CELF5: variants seen among roughly 807,000 people sequenced by gnomAD.
CELF5 encodes the protein CUG-BP and ETR-3 like factor 5.
Under a neutral mutation model 54.9 loss-of-function variants are expected in CELF5, and 6 were observed. That is an observed-to-expected ratio of 0.11 (90% CI 0.06 to 0.22). The LOEUF is 0.22. CELF5 is among the 10% of genes least tolerant of loss of function. The pLI is 1.00. For synonymous variants in CELF5, 271 were observed against 290.9 expected (o/e 0.93, Z 0.70); for missense variants, 401 against 678.6 (o/e 0.59, Z 4.54).
At position 3,258,331 on chromosome 19, in the gene CELF5, A is replaced by G. The variant is rs369515017; in HGVS notation, c.342+7264A>G. Among the ~76,000 whole-genome samples, 5 of 151,410 alleles carry G rather than the reference A, an allele frequency of 3.3e-5. No individual in the cohort carries two copies. The South Asian group carries it at 8.4e-4, about 25-fold the overall frequency. On this transcript the variant is annotated intron_variant, in intron 2 of 12. Transcript: ENST00000292672. ...AGACAGTGGTTTTCCTATGTTGCCC[A>G]GGTTGGTCTCGAACTCCTGACCTCA...
At chr19:3,257,645 T>G (rs760501944) in intron 2 of CELF5, among the ~76,000 whole-genome samples, 3 of 151,290 alleles carry the variant, frequency 2.0e-5, no homozygotes, top group Non-Finnish European at 2.9e-5. Flanking sequence ...CCGGCTAATT[T>G]TTGTATTTTT....
intron 10 of CELF5, among the ~76,000 whole-genome samples, chr19:3,289,807 A>G (rs1437995449): frequency 1.3e-5 from 2 of 151,288 alleles, no homozygotes; most frequent in African/African-American, 2.4e-5. Context: ...GATATTACCA[A>G]GTTTCCTTAT....
chr19:3,284,874 C>T (rs1199668650), intron 8 of CELF5, 28 bp from the exon 9 acceptor site: 1 of 1,608,092 alleles, frequency 6.2e-7, no homozygotes, highest in African/African-American at 1.3e-5. Context: ...CTGCTCCCGC[C>T]CCACTCAGCC....
At chr19:3,290,121 C>T (rs2080318875) in intron 10 of CELF5, 110 bp from the exon 11 acceptor site, 2 of 795,810 alleles carry the variant, frequency 2.5e-6, no homozygotes, top group South Asian at 1.7e-5. Flanking sequence ...AGGCACCCCT[C>T]TCCCGACAGC....
chr19:3,227,655 G>A (rs1480673899), intron 1 of CELF5, among the ~76,000 whole-genome samples: 1 of 152,082 alleles, frequency 6.6e-6, no homozygotes, highest in Non-Finnish European at 1.5e-5. Flanking sequence ...TGGTGTCCAG[G>A]CTGCAGGGAC....
chr19:3,273,960 G>T, intron 3 of CELF5, 37 bp downstream of exon 3: 1 of 1,598,986 alleles, frequency 6.3e-7, no homozygotes, highest in South Asian at 1.1e-5. Flanking sequence ...CTGGGGGTTG[G>T]CGGAGGAATG....
At chr19:3,229,532 G>A (rs1265311204) in intron 1 of CELF5, among the ~76,000 whole-genome samples, 3 of 152,188 alleles carry the variant, frequency 2.0e-5, no homozygotes, top group Non-Finnish European at 4.4e-5. Context: ...TAGGAGAGTC[G>A]TTGAGAGCTT....
chr19:3,287,483 C>T (rs2080273186), intron 10 of CELF5, among the ~76,000 whole-genome samples: 1 of 150,402 alleles, frequency 6.6e-6, no homozygotes, highest in African/African-American at 2.4e-5. Context: ...TCTCTTGAAC[C>T]AGGAGGCGGA....
chr19:3,294,787 A>T (rs1351509670), intron 12 of CELF5: 1 of 152,200 alleles, frequency 6.6e-6, no homozygotes, highest in Admixed American at 6.5e-5. Flanking sequence ...GGAAGGAGAG[A>T]CAGAAAATAA....
At position 3,275,596 on chromosome 19, in the gene CELF5, G is replaced by A. The variant is rs2080035088; in HGVS notation, c.395-260G>A. On this transcript the variant is annotated intron_variant, in intron 3 of 12. Coordinates refer to ENST00000292672, the MANE Select transcript of CELF5 (RefSeq NM_021938.4). This position sits in a 1 kb window ranked among gnomAD's most constrained non-coding sequence, Gnocchi z 6.7. ...GAGCAGAGACCCCAAAAGACTGCAG[G>A]GAGGGCATTCCAGGCGGGGGCGCCA... 6.6e-6 allele frequency among the ~76,000 whole-genome samples: 1 copy of A among 152,230 alleles called. No individual in the cohort carries two copies. Among genetic ancestry groups the A allele is most frequent in the East Asian group, 1.9e-4 (1 of 5,178 alleles).
intron 2 of CELF5, among the ~76,000 whole-genome samples, chr19:3,264,244 A>T (rs2079849020): frequency 6.6e-6 from 1 of 152,016 alleles, no homozygotes; most frequent in Non-Finnish European, 1.5e-5. Flanking sequence ...CCCCATCTGA[A>T]AAAAAACAAA....
In CELF5 at chr19:3,275,842, G is replaced by A. The variant is rs759350692; in HGVS notation, c.395-14G>A. On this transcript the variant is annotated splice_polypyrimidine_tract_variant and intron_variant, in intron 3 of 12. Coordinates refer to ENST00000292672, the MANE Select transcript of CELF5 (RefSeq NM_021938.4). This position sits in a 1 kb window ranked among gnomAD's most constrained non-coding sequence, Gnocchi z 6.7. ...GGCCGGGGACTCGGCTGAGGTGGGT[G>A]TCGCCGCCCACAGGGGACCGGAAGC... 2 of 1,600,394 alleles carry A rather than the reference G, an allele frequency of 1.2e-6. No individual in the cohort carries two copies. The highest frequency in any genetic ancestry group is 1.7e-6 in the Non-Finnish European group (2 of 1,170,276).
At chr19:3,287,655 C>A (rs12977031) in intron 10 of CELF5, among the ~76,000 whole-genome samples, 82,451 of 150,812 alleles carry the variant, frequency 0.55, 23,771 homozygotes, top group Middle Eastern at 0.69. Context: ...TGGGAGGCCA[C>A]GGCAGGAGGG....
At chr19:3,243,518 G>A (rs1468124310) in intron 1 of CELF5, among the ~76,000 whole-genome samples, 1 of 152,148 alleles carries the variant, frequency 6.6e-6, no homozygotes, top group Non-Finnish European at 1.5e-5. Context: ...CTGGGCTCAA[G>A]CAATCCTTCT....
At chr19:3,249,555 C>A (rs573662752) in intron 1 of CELF5, among the ~76,000 whole-genome samples, 1 of 151,736 alleles carries the variant, frequency 6.6e-6, no homozygotes, top group South Asian at 2.1e-4. Context: ...CTGGGCCACT[C>A]TATGGGCTGG....
rs1189896122 is a variant in CELF5, at chr19:3,282,811, G to C, written c.1039+313G>C. Among the ~76,000 whole-genome samples the C allele has an allele frequency of 6.6e-6, 1 of 152,184 alleles. No individual in the cohort carries two copies. Among genetic ancestry groups the C allele is most frequent in the African/African-American group, 2.4e-5 (1 of 41,450 alleles). Reference sequence around the variant, plus strand: ...GGCAGATAACATCAGTAGCCTCAGAGGGTTGCATTGACAATTTAATCTGTG... The same window carrying C: ...GGCAGATAACATCAGTAGCCTCAGACGGTTGCATTGACAATTTAATCTGTG... On this transcript the variant is annotated intron_variant, in intron 8 of 12. Transcript: ENST00000292672. This position sits in a 1 kb window ranked among gnomAD's most constrained non-coding sequence, Gnocchi z 5.2.
intron 1 of CELF5, among the ~76,000 whole-genome samples, chr19:3,233,441 A>C (rs2144986442): frequency 6.6e-6 from 1 of 152,342 alleles, no homozygotes; most frequent in East Asian, 1.9e-4. Flanking sequence ...GCTGCTGTGA[A>C]CAAACAAACT....
At position 3,224,978 on chromosome 19, in the gene CELF5, C is replaced by T. The variant is rs371060093; in HGVS notation, c.239C>T (p.Pro80Leu). Reference protein sequence around the residue: ...RIYELTVLKDPYTGMHKGCAF... With the variant: ...RIYELTVLKDLYTGMHKGCAF... ...TACGAGCTCACGGTGCTCAAAGACC[C>T]CTACACGGGGATGCACAAAGGTGGG... is the stretch of plus-strand genomic sequence containing the variant. The change falls in exon 1 of 13, where the codon CCC (proline) becomes CTC (leucine). Residue 80 changes from proline to leucine, a missense_variant. Physicochemically the swap from Pro to Leu is moderately conservative, Grantham distance 98 (BLOSUM62 -3). Coordinates refer to ENST00000292672, the MANE Select transcript of CELF5 (RefSeq NM_021938.4). 1.9e-6 allele frequency: 3 copies of T among 1,597,824 alleles called. No homozygotes were observed. The highest frequency in any genetic ancestry group is 2.6e-6 in the Non-Finnish European group (3 of 1,172,866).
intron 2 of CELF5, among the ~76,000 whole-genome samples, chr19:3,263,246 C>CAAAAAA (rs541811875): frequency 2.2e-5 from 1 of 45,066 alleles, no homozygotes; most frequent in Non-Finnish European, 4.4e-5. Context: ...GATTCTGTCT[C>CAAAAAA]AAAAAAAAAA....
Sources: allele counts gnomAD v4.1 joint callset (sites outside exome capture counted in the v4.1 genomes callset), GRCh38; gene constraint gnomAD v4.1.1; non-coding constraint Gnocchi (gnomAD v3.1); transcripts MANE v1.5; gene names NCBI Gene and HGNC (gene_info 2026-07-23, HGNC 2026-07-21).